CRISPLD2: variants seen among roughly 807,000 people sequenced by gnomAD.
CRISPLD2 encodes the protein cysteine-rich secretory protein LCCL domain-containing 2.
Under a neutral mutation model 71.1 loss-of-function variants are expected in CRISPLD2, and 47 were observed. The observed-to-expected ratio is 0.66, with a 90% confidence interval of 0.52 to 0.84. The LOEUF (loss-of-function observed/expected upper bound fraction) is 0.84. Among genes scored for constraint, CRISPLD2 ranks in the 40% least tolerant of loss-of-function variants. CRISPLD2 has a pLI of 0.00. For missense variants in CRISPLD2, 830 were observed against 651.1 expected (o/e 1.27, Z -2.99); for synonymous variants, 317 against 250.1 (o/e 1.27, Z -2.52).
intron 7 of CRISPLD2, among the ~76,000 whole-genome samples, chr16:84,868,135 C>G (rs1052039384): frequency 1.3e-5 from 2 of 152,148 alleles, no homozygotes; most frequent in Non-Finnish European, 2.9e-5. Context: ...TTCATAACTA[C>G]CATCTCCCCT....
At position 84,867,053 on chromosome 16, in the gene CRISPLD2, C is replaced by G. The variant is rs376803520; in HGVS notation, c.853+13C>G. 6.2e-7 allele frequency: 1 copy of G among 1,609,586 alleles called. No homozygotes were observed. ...GTCAACTACATGAGTGAGTCTAGGCCGTCCTCCGCCCCTCCTGCCCTCCCA... is the reference window on the plus strand; with the variant it reads ...GTCAACTACATGAGTGAGTCTAGGCGGTCCTCCGCCCCTCCTGCCCTCCCA... On this transcript the variant is annotated intron_variant, in intron 7 of 14. Transcript: ENST00000262424.
chr16:84,874,447 G>C (rs933923395), intron 11 of CRISPLD2, among the ~76,000 whole-genome samples: 6 of 152,206 alleles, frequency 3.9e-5, no homozygotes, highest in African/African-American at 1.4e-4. Flanking sequence ...ACATTGCTTA[G>C]TGTATGTTCA....
At chr16:84,895,641 G>A (rs139322287) in intron 14 of CRISPLD2, among the ~76,000 whole-genome samples, 439 of 152,306 alleles carry the variant, frequency 2.9e-3, no homozygotes, top group Admixed American at 4.1e-3. Context: ...GAGATGAAGA[G>A]GTTTGACAGT....
rs769711521 is a variant in CRISPLD2 at position 84,874,007 on chromosome 16, C to G, written c.1156+44C>G. ...TTTGCGACCATAATACCTGGGTTAT[C>G]TCAGATTTTCCTGGAAATTTCACTT... On this transcript the variant is annotated intron_variant, in intron 11 of 14. Transcript: ENST00000262424. The G allele has an allele frequency of 9.2e-6, 14 of 1,519,634 alleles. No individual in the cohort carries two copies. The South Asian group carries it at 1.1e-4, about 12-fold the overall frequency. 94.1% of individuals were successfully genotyped at this position (1,519,634 alleles called of 1,614,324 possible). A position where few individuals can be genotyped will look rare whatever the true frequency, so the allele number is the denominator to read the frequency against.
chr16:84,846,042 T>C (rs1168592340), intron 3 of CRISPLD2, 138 bp downstream of exon 3: 7 of 592,854 alleles, frequency 1.2e-5, no homozygotes, highest in Non-Finnish European at 2.1e-5. Flanking sequence ...TCTGGGAAAC[T>C]GAGGCTTGGC....
intron 7 of CRISPLD2, among the ~76,000 whole-genome samples, chr16:84,868,262 C>T (rs768658299): frequency 1.8e-4 from 28 of 152,374 alleles, no homozygotes; most frequent in South Asian, 4.1e-4. Flanking sequence ...GAGTTCAAAA[C>T]GGTGCCATTG....
intron 13 of CRISPLD2, 56 bp downstream of exon 13, chr16:84,880,640 A>T (rs543325551): frequency 7.4e-7 from 1 of 1,345,382 alleles, no homozygotes; most frequent in South Asian, 1.2e-5. Flanking sequence ...AGACCTCAAC[A>T]TGCAAGCTCC....
At chr16:84,861,386 A>G (rs1308529270) in intron 6 of CRISPLD2, among the ~76,000 whole-genome samples, 2 of 152,210 alleles carry the variant, frequency 1.3e-5, no homozygotes, top group Non-Finnish European at 2.9e-5. Flanking sequence ...AAGGTCCCAC[A>G]GTAGGCTGTC....
chr16:84,844,859 C>T (rs1916869536), intron 2 of CRISPLD2, among the ~76,000 whole-genome samples: 1 of 152,126 alleles, frequency 6.6e-6, no homozygotes, highest in Non-Finnish European at 1.5e-5. Context: ...CTGGGCTGGG[C>T]ATCTTGTAGG....
chr16:84,889,452 C>G (rs553403895), intron 14 of CRISPLD2, 89 bp downstream of exon 14: 14 of 1,381,994 alleles, frequency 1.0e-5, no homozygotes, highest in African/African-American at 3.0e-5. Context: ...AGTCATTACC[C>G]TTTAAAATAA....
chr16:84,902,597 G>C (rs537691054), intron 14 of CRISPLD2, among the ~76,000 whole-genome samples: 2 of 150,656 alleles, frequency 1.3e-5, no homozygotes, highest in Non-Finnish European at 3.0e-5. Context: ...GTGACAGAGC[G>C]AGACTCCATC....
At chr16:84,872,848 A>G in intron 9 of CRISPLD2, 144 bp from the exon 10 acceptor site, 1 of 1,026,592 alleles carries the variant, frequency 9.7e-7, no homozygotes, top group South Asian at 1.6e-5. Flanking sequence ...GGTTACAGAC[A>G]GAGGCGAGAG....
intron 14 of CRISPLD2, among the ~76,000 whole-genome samples, chr16:84,891,170 C>G (rs771050886): frequency 5.3e-5 from 8 of 152,168 alleles, no homozygotes; most frequent in Non-Finnish European, 1.2e-4. Flanking sequence ...CAGGCGAGCT[C>G]GTAACAGGGC....
At chr16:84,892,826 A>G (rs1597483399) in intron 14 of CRISPLD2, among the ~76,000 whole-genome samples, 1 of 151,848 alleles carries the variant, frequency 6.6e-6, no homozygotes, top group African/African-American at 2.4e-5. Flanking sequence ...AAATACAGAA[A>G]TTAGCTGGGC....
intron 1 of CRISPLD2, among the ~76,000 whole-genome samples, chr16:84,833,630 C>T (rs1916541511): frequency 1.3e-5 from 2 of 152,188 alleles, no homozygotes; most frequent in Non-Finnish European, 1.5e-5. Context: ...GCTAGGAGGG[C>T]ACTCTGCAGG....
rs765107752 is a variant in CRISPLD2, at chr16:84,838,621, G to T, written c.126G>T (p.Glu42Asp). 1 of 1,614,220 alleles carries T rather than the reference G, an allele frequency of 6.2e-7. No homozygotes were observed. Among genetic ancestry groups the T allele is most frequent in the East Asian group, 2.2e-5 (1 of 44,880 alleles). The change falls in exon 2 of 15, where the codon GAG becomes GAT. Residue 42 changes from glutamate (E) to aspartate (D), a missense_variant. By Grantham distance (45) the Glu-to-Asp change is conservative. Transcript: ENST00000262424. The part of the protein sequence containing the change: ...EELLSKYQHN[E>D]SHSRVRRAIP... ...TGCTCAGCAAATACCAGCACAACGA[G>T]TCTCACTCCCGGGTCCGCAGAGCCA...
At chr16:84,836,525 T>C (rs1319166059) in intron 1 of CRISPLD2, 1 of 152,056 alleles carries the variant, frequency 6.6e-6, no homozygotes, top group East Asian at 1.9e-4. Context: ...AAGCCAAGCC[T>C]CTCCTCTCCG....
chr16:84,881,696 G>A (rs756621768), intron 13 of CRISPLD2, among the ~76,000 whole-genome samples: 5 of 151,934 alleles, frequency 3.3e-5, no homozygotes, highest in African/African-American at 4.8e-5. Context: ...GGCTGATCTC[G>A]AACTCCTGGG....
chr16:84,820,265 C>G (rs533721623), intron 1 of CRISPLD2, 132 bp downstream of exon 1: 62 of 152,162 alleles, frequency 4.1e-4, no homozygotes, highest in African/African-American at 1.4e-3. Flanking sequence ...GCTTGCATAG[C>G]GGAACACAGC....
Sources: allele counts gnomAD v4.1 joint callset (sites outside exome capture counted in the v4.1 genomes callset), GRCh38; gene constraint gnomAD v4.1.1; transcripts MANE v1.5; gene names NCBI Gene and HGNC (gene_info 2026-07-23, HGNC 2026-07-21).